The following CLSTN2 variants were observed in gnomAD, a reference collection of about 807,000 sequenced individuals.
CLSTN2 encodes calsyntenin 2, also known as calsyntenin-2.
Under a neutral mutation model 101.2 loss-of-function variants are expected in CLSTN2, and 48 were observed. The ratio of observed to expected loss-of-function variants is 0.47; its 90% CI spans 0.38 to 0.60. The LOEUF is 0.60. CLSTN2 is among the 20% of genes least tolerant of loss of function. The pLI, the probability that CLSTN2 is intolerant of heterozygous loss-of-function variation, is 0.00. For missense variants in CLSTN2, 1,160 were observed against 1,238.2 expected (o/e 0.94, Z 0.95); for synonymous variants, 481 against 463.6 (o/e 1.04, Z -0.48).
At chr3:140,562,369 G>A (rs1935934503) in intron 13 of CLSTN2, 61 bp downstream of exon 13, 2 of 1,485,994 alleles carry the variant, frequency 1.3e-6, no homozygotes, top group Admixed American at 1.9e-5. Context: ...CCTTGTCCAG[G>A]GAGACATGAG....
At chr3:140,474,341 G>A (rs56055908) in intron 8 of CLSTN2, among the ~76,000 whole-genome samples, 12,158 of 152,154 alleles carry the variant, frequency 0.08, 647 homozygotes, top group East Asian at 0.12. Flanking sequence ...TAGGGAGGAA[G>A]GAGGAAGAGG....
chr3:139,974,902 G>A (rs747454446), intron 1 of CLSTN2, among the ~76,000 whole-genome samples: 43 of 152,162 alleles, frequency 2.8e-4, no homozygotes, highest in African/African-American at 7.5e-4. Context: ...AGAGGAGAGC[G>A]GAGGAGGAGA....
intron 1 of CLSTN2, among the ~76,000 whole-genome samples, chr3:140,155,046 T>G (rs1372331516): frequency 6.6e-6 from 1 of 151,922 alleles, no homozygotes; most frequent in African/African-American, 2.4e-5. Context: ...CAAGATGAGA[T>G]TTGGGTGGGG....
chr3:140,363,060 C>G (rs559526781), intron 2 of CLSTN2, among the ~76,000 whole-genome samples: 10 of 151,878 alleles, frequency 6.6e-5, no homozygotes, highest in Non-Finnish European at 1.2e-4. Flanking sequence ...TTTATAGTAG[C>G]CCAAAAGTTA....
At chr3:140,332,076 G>A (rs975184098) in intron 2 of CLSTN2, among the ~76,000 whole-genome samples, 1 of 152,190 alleles carries the variant, frequency 6.6e-6, no homozygotes, top group Non-Finnish European at 1.5e-5. Context: ...GTGATAGAGG[G>A]AAGCACAGGG....
intron 2 of CLSTN2, among the ~76,000 whole-genome samples, chr3:140,313,164 C>CA (rs1283106338): frequency 2.6e-5 from 4 of 152,040 alleles, no homozygotes; most frequent in African/African-American, 7.2e-5. Context: ...AAGTCCCCCC[C>CA]AAAAAAACCA....
intron 1 of CLSTN2, among the ~76,000 whole-genome samples, chr3:140,000,336 T>G (rs1490971189): frequency 6.6e-6 from 1 of 152,214 alleles, no homozygotes; most frequent in Non-Finnish European, 1.5e-5. Context: ...ATTAATATTT[T>G]GGAAGGTTGT....
At chr3:140,396,121 CT>C (rs762085946) in intron 2 of CLSTN2, among the ~76,000 whole-genome samples, 2 of 152,152 alleles carry the variant, frequency 1.3e-5, no homozygotes, top group Non-Finnish European at 2.9e-5. Context: ...TATTTAGCAC[CT>C]TGACTCTTGC....
Position 140,466,694 on chromosome 3 carries a change from C to A in CLSTN2, c.1307C>A (p.Thr436Asn). 2 of 1,614,120 alleles carry A rather than the reference C, an allele frequency of 1.2e-6. No homozygotes were observed. The highest frequency in any genetic ancestry group is 2.2e-5 in the South Asian group (2 of 91,078). The change falls in exon 8 of 17, where the codon ACC (threonine) becomes AAC (asparagine). Residue 436 changes from threonine to asparagine, a missense_variant. Thr to Asn is a moderately conservative substitution (Grantham distance 65). Coordinates refer to ENST00000458420, the MANE Select transcript of CLSTN2 (RefSeq NM_022131.3). ...LLRKDFDQAD[T>N]FRPAEFHWKL... ...CGGAAGGACTTCGACCAGGCTGACA[C>A]CTTTCGCCCCGCGGAGTTCCACTGG...
At chr3:140,029,515 T>C (rs1254985178) in intron 1 of CLSTN2, among the ~76,000 whole-genome samples, 2 of 152,186 alleles carry the variant, frequency 1.3e-5, no homozygotes, top group African/African-American at 4.8e-5. Flanking sequence ...TTAATGTTAT[T>C]GTTTGAGATC....
At chr3:140,482,582 T>C (rs1406195642) in intron 8 of CLSTN2, among the ~76,000 whole-genome samples, 1 of 152,190 alleles carries the variant, frequency 6.6e-6, no homozygotes, top group African/African-American at 2.4e-5. Flanking sequence ...TGGACTTTTT[T>C]TGGTTGGTAG....
In CLSTN2 at chr3:140,496,527, T is replaced by A. The variant is rs148406363; in HGVS notation, c.1344+29796T>A. Among the ~76,000 whole-genome samples the A allele has an allele frequency of 3.0e-3, 462 of 152,360 alleles. 2 individuals are homozygous for A. Among genetic ancestry groups the A allele is most frequent in the African/African-American group, 0.011 (437 of 41,576 alleles). On this transcript the variant is annotated intron_variant, in intron 8 of 16. Transcript: ENST00000458420. Reference sequence around the variant, plus strand: ...TGAATAGAAGTGATGAGAGAGGGCATCCTTGTCTTGTGGCAGTTTTCAAGG... The same window carrying A: ...TGAATAGAAGTGATGAGAGAGGGCAACCTTGTCTTGTGGCAGTTTTCAAGG...
chr3:140,182,998 G>A (rs760208254), intron 2 of CLSTN2, among the ~76,000 whole-genome samples: 83 of 152,228 alleles, frequency 5.5e-4, no homozygotes, highest in Non-Finnish European at 9.6e-4. Flanking sequence ...AGGATGACAG[G>A]TGCAGGCTTC....
chr3:140,002,247 A>C (rs2006858877), intron 1 of CLSTN2, among the ~76,000 whole-genome samples: 1 of 152,208 alleles, frequency 6.6e-6, no homozygotes, highest in South Asian at 2.1e-4. Context: ...TCTTTTGGAT[A>C]TAAGTTATTT....
intron 1 of CLSTN2, among the ~76,000 whole-genome samples, chr3:139,961,273 C>CA (rs940397546): frequency 6.6e-6 from 1 of 152,024 alleles, no homozygotes; most frequent in African/African-American, 2.4e-5. Flanking sequence ...AGTTTTGATT[C>CA]AAAAAGGAAG....
At chr3:140,404,918 A>C (rs1370968215) in intron 4 of CLSTN2, 152 bp downstream of exon 4, 1 of 686,454 alleles carries the variant, frequency 1.5e-6, no homozygotes, top group Non-Finnish European at 2.5e-6. Context: ...TCAGTCCCAC[A>C]CTTGAGGGAA....
intron 2 of CLSTN2, among the ~76,000 whole-genome samples, chr3:140,182,313 GTAAAC>G (rs66811023): frequency 0.016 from 2,459 of 152,082 alleles, 44 homozygotes; most frequent in Non-Finnish European, 0.027. Context: ...TAAAAAAAAA[GTAAAC>G]TAATATTTAG....
chr3:140,193,269 T>G (rs985500382), intron 2 of CLSTN2, among the ~76,000 whole-genome samples: 6 of 148,176 alleles, frequency 4.0e-5, no homozygotes, highest in African/African-American at 1.2e-4. Flanking sequence ...TAGTTTTTTT[T>G]TTTTTTTTTT....
chr3:140,142,145 A>G (rs1050528407), intron 1 of CLSTN2, among the ~76,000 whole-genome samples: 3 of 152,210 alleles, frequency 2.0e-5, no homozygotes, highest in African/African-American at 7.2e-5. Context: ...TAGGAGGTAC[A>G]CATTCTTCAT....
Sources: allele counts gnomAD v4.1 joint callset (sites outside exome capture counted in the v4.1 genomes callset), GRCh38; gene constraint gnomAD v4.1.1; transcripts MANE v1.5; gene names NCBI Gene and HGNC (gene_info 2026-07-23, HGNC 2026-07-21).